The following ENTPD6 variants were observed in gnomAD, a reference collection of about 807,000 sequenced individuals.
ENTPD6 encodes the protein CD39 antigen-like 2.
A neutral mutation model predicts 61.5 loss-of-function variants in ENTPD6; 46 were observed. The ratio of observed to expected loss-of-function variants is 0.75; its 90% CI spans 0.59 to 0.96. The LOEUF (loss-of-function observed/expected upper bound fraction) is 0.96, where lower values mean the gene tolerates loss of function less well. ENTPD6 is among the 40% of genes least tolerant of loss of function. The probability of loss-of-function intolerance (pLI) is 0.00; values close to 1 mark genes in which losing one functional copy is unlikely to be tolerated. For missense variants in ENTPD6, 612 were observed against 629.0 expected (o/e 0.97, Z 0.29); for synonymous variants, 252 against 255.5 (o/e 0.99, Z 0.13).
In ENTPD6 at chr20:25,209,943, T is replaced by C. The variant is rs779190150; in HGVS notation, c.453+18T>C. ...TTGAAAAGGTAAGGATCCTCTCCCG[T>C]GTCTCCCTGTTCAACTGCAGAATGT... On this transcript the variant is annotated intron_variant, in intron 4 of 14. Transcript: ENST00000376652. 3.1e-6 allele frequency: 5 copies of C among 1,602,882 alleles called. No homozygotes were observed. In the South Asian group the frequency reaches 4.4e-5, roughly 14 times the overall value.
chr20:25,222,535 C>A (rs1280122666), intron 11 of ENTPD6: 12 of 314,292 alleles, frequency 3.8e-5, no homozygotes, highest in Non-Finnish European at 7.1e-5. Flanking sequence ...ATGGTCCCAA[C>A]AGGCCAGAGG....
intron 3 of ENTPD6, among the ~76,000 whole-genome samples, chr20:25,209,119 T>A (rs1434295620): frequency 3.5e-5 from 5 of 144,892 alleles, no homozygotes; most frequent in African/African-American, 1.3e-4. Context: ...TATTTAATTT[T>A]TTTTTTTTGA....
rs2090321903 is a variant in ENTPD6 at position 25,195,841 on chromosome 20, T to C, written c.-42T>C. 3 of 1,238,974 alleles carry C rather than the reference T, an allele frequency of 2.4e-6. No individual in the cohort carries two copies. The highest frequency in any genetic ancestry group is 3.0e-4 in the Middle Eastern group (1 of 3,372). The allele number at this position is 1,238,974 out of a possible 1,614,324, so 76.7% of individuals were successfully genotyped here. ...CCCCGGAAAAGGGCACTCGTCTCCG[T>C]GGGTGTGGCGGAGCGCGCGGTGCAT... On this transcript the variant is annotated 5_prime_UTR_variant, in exon 1 of 15. Coordinates refer to ENST00000376652, the MANE Select transcript of ENTPD6 (RefSeq NM_001247.5).
intron 3 of ENTPD6, among the ~76,000 whole-genome samples, chr20:25,209,614 T>TA (rs1432739865): frequency 4.0e-5 from 6 of 150,952 alleles, no homozygotes; most frequent in African/African-American, 1.5e-4. Flanking sequence ...AATAATAATT[T>TA]TAAAAAAATA....
intron 11 of ENTPD6, chr20:25,222,458 C>A: frequency 5.3e-6 from 1 of 188,422 alleles, no homozygotes; most frequent in Admixed American, 5.4e-5. Flanking sequence ...TTATCTATGA[C>A]ATAGGGAGGG....
Position 25,207,267 on chromosome 20 carries a change from G to A in ENTPD6, c.246G>A (p.Arg82=). 1 of 1,613,626 alleles carries A rather than the reference G, an allele frequency of 6.2e-7. No individual in the cohort carries two copies. Among genetic ancestry groups the A allele is most frequent in the Non-Finnish European group, 8.5e-7 (1 of 1,179,732 alleles). ...TCACCAGGGCAGCCCCGGGGGCCCG[G>A]TGGGGTCAGCAGGCCCACAGCCCCC... is the stretch of plus-strand genomic sequence containing the variant. The part of the protein sequence containing the change: ...FSITRAAPGA[R]WGQQAHSPLG... The change falls in exon 3 of 15, where the codon CGG becomes CGA. Residue 82 remains arginine (R), a synonymous_variant. Coordinates refer to ENST00000376652, the MANE Select transcript of ENTPD6 (RefSeq NM_001247.5).
intron 8 of ENTPD6, 92 bp from the exon 9 acceptor site, chr20:25,217,410 A>T (rs1240183408): frequency 1.6e-5 from 19 of 1,222,280 alleles, no homozygotes; most frequent in Non-Finnish European, 2.3e-5. Context: ...GCTGCACCTG[A>T]CCATCCCCTT....
chr20:25,215,008 T>C (rs1416301793), intron 6 of ENTPD6, 66 bp downstream of exon 6: 1 of 1,094,850 alleles, frequency 9.1e-7, no homozygotes, highest in East Asian at 2.4e-5. Flanking sequence ...GCAATCCTGC[T>C]GCTTCTAACC....
intron 1 of ENTPD6, among the ~76,000 whole-genome samples, chr20:25,205,356 G>A (rs941389035): frequency 3.3e-5 from 5 of 152,192 alleles, no homozygotes; most frequent in Non-Finnish European, 7.3e-5. Context: ...AAGACACGGT[G>A]CCAGTGTGGT....
chr20:25,208,332 G>A (rs1439674952), intron 3 of ENTPD6, among the ~76,000 whole-genome samples: 1 of 152,208 alleles, frequency 6.6e-6, no homozygotes, highest in Non-Finnish European at 1.5e-5. Flanking sequence ...TGTAATCCCA[G>A]CTATGTGGGA....
chr20:25,198,548 A>C (rs1043834736), intron 1 of ENTPD6, among the ~76,000 whole-genome samples: 1 of 152,158 alleles, frequency 6.6e-6, no homozygotes, highest in Non-Finnish European at 1.5e-5. Context: ...GTAGGGTGTT[A>C]CTATTGCTTT....
At position 25,221,637 on chromosome 20, in the gene ENTPD6, T is replaced by C. The variant is rs138452888; in HGVS notation, c.1045+304T>C. Among the ~76,000 whole-genome samples, 12 of 152,256 alleles carry C rather than the reference T, an allele frequency of 7.9e-5. No individual in the cohort carries two copies. The East Asian group carries it at 1.9e-3, about 25-fold the overall frequency. Reference sequence around the variant, plus strand: ...GGACTGGACCAGCTTGGGGCTGAGATGCAGGGCTGGGACTGGGAGCCCAGG... The same window carrying C: ...GGACTGGACCAGCTTGGGGCTGAGACGCAGGGCTGGGACTGGGAGCCCAGG... On this transcript the variant is annotated intron_variant, in intron 11 of 14. Transcript: ENST00000376652.
At chr20:25,208,630 C>T (rs751075023) in intron 3 of ENTPD6, among the ~76,000 whole-genome samples, 9 of 152,136 alleles carry the variant, frequency 5.9e-5, no homozygotes, top group Non-Finnish European at 1.0e-4. Flanking sequence ...GTCCAGTCTT[C>T]GCGTCTGAAT....
chr20:25,215,895 T>C (rs2092287755), intron 7 of ENTPD6, among the ~76,000 whole-genome samples, 184 bp downstream of exon 7: 1 of 152,220 alleles, frequency 6.6e-6, no homozygotes, highest in East Asian at 1.9e-4. Context: ...CTCACAGGTG[T>C]AGATGCTAGG....
intron 1 of ENTPD6, among the ~76,000 whole-genome samples, chr20:25,199,080 T>G (rs548679486): frequency 6.6e-6 from 1 of 152,268 alleles, no homozygotes; most frequent in African/African-American, 2.4e-5. Flanking sequence ...CTTCAACAGG[T>G]GCTGGCTGAG....
At chr20:25,209,115 A>T (rs6050436) in intron 3 of ENTPD6, among the ~76,000 whole-genome samples, 78,037 of 131,890 alleles carry the variant, frequency 0.59, 21,992 homozygotes, top group East Asian at 0.92. Flanking sequence ...TTTTTATTTA[A>T]TTTTTTTTTT....
At chr20:25,213,949 C>CA (rs1323506259) in intron 5 of ENTPD6, among the ~76,000 whole-genome samples, 2 of 152,110 alleles carry the variant, frequency 1.3e-5, no homozygotes, top group African/African-American at 2.4e-5. Flanking sequence ...GACCTTGTCT[C>CA]AAAAAAATAA....
intron 4 of ENTPD6, among the ~76,000 whole-genome samples, chr20:25,212,373 C>T (rs139865805): frequency 5.2e-4 from 79 of 152,288 alleles, no homozygotes; most frequent in African/African-American, 1.8e-3. Flanking sequence ...CACCTGAGAT[C>T]GCCCGTGAGG....
Position 25,219,161 on chromosome 20 carries a change from A to G in ENTPD6, c.943+547A>G, listed in dbSNP as rs144269278. Among the ~76,000 whole-genome samples, 21 of 152,342 alleles carry G rather than the reference A, an allele frequency of 1.4e-4. No individual in the cohort carries two copies. In the East Asian group the frequency reaches 4.1e-3, roughly 29 times the overall value. On this transcript the variant is annotated intron_variant, in intron 10 of 14. Transcript: ENST00000376652. ...CTTCCAAAGTGCTGGGATTACAGGC[A>G]TGAGCCATGACACCCAGCCCCAAGT...
Sources: gnomAD v4.1 joint callset for allele counts (sites outside exome capture counted in the v4.1 genomes callset) on GRCh38, gnomAD v4.1.1 for gene constraint, MANE v1.5 for transcripts, NCBI Gene and HGNC (gene_info 2026-07-23, HGNC 2026-07-21) for gene names.